The following SRP72 variants were observed in gnomAD, a reference collection of about 807,000 sequenced individuals.
SRP72 encodes signal recognition particle subunit SRP72.
SRP72 carries 49 observed loss-of-function variants against 96.3 expected under a neutral mutation model. That is an observed-to-expected ratio of 0.51 (90% CI 0.40 to 0.65). The LOEUF (loss-of-function observed/expected upper bound fraction) is 0.65. SRP72 is among the 30% of genes least tolerant of loss of function. SRP72 has a pLI of 0.00. For synonymous variants in SRP72, 267 were observed against 275.2 expected, an observed-to-expected ratio of 0.97 and a Z score of 0.30; for missense variants, 736 against 793.3, an observed-to-expected ratio of 0.93 and a Z score of 0.87.
At chr4:56,492,957 C>G (rs865863947) in intron 16 of SRP72, among the ~76,000 whole-genome samples, 1 of 152,000 alleles carries the variant, frequency 6.6e-6, no homozygotes, top group Non-Finnish European at 1.5e-5. Context: ...TGCACCCCAG[C>G]CTGAGTGACA....
chr4:56,491,305 C>A (rs754848864), intron 15 of SRP72, 126 bp from the exon 16 acceptor site: 5 of 1,096,772 alleles, frequency 4.6e-6, no homozygotes, highest in Non-Finnish European at 6.4e-6. Context: ...ACATTTTTTG[C>A]TTTTGTTGAA....
chr4:56,493,603 G>T (rs1720982892), intron 16 of SRP72, among the ~76,000 whole-genome samples: 1 of 151,822 alleles, frequency 6.6e-6, no homozygotes, highest in Non-Finnish European at 1.5e-5. Flanking sequence ...GGTGGCTCAT[G>T]CCTGTAATCC....
intron 1 of SRP72, among the ~76,000 whole-genome samples, chr4:56,468,435 G>C (rs1244717145): frequency 1.3e-5 from 2 of 151,974 alleles, no homozygotes; most frequent in Non-Finnish European, 2.9e-5. Flanking sequence ...TTTGGTGTGA[G>C]GTTTAATTCA....
intron 17 of SRP72, among the ~76,000 whole-genome samples, chr4:56,496,183 C>G (rs1327326475): frequency 2.6e-5 from 4 of 152,160 alleles, no homozygotes; most frequent in African/African-American, 2.4e-5. Context: ...ACCCAAGTTC[C>G]TGAGGTTTTG....
chr4:56,483,376 T>G, intron 9 of SRP72, 106 bp downstream of exon 9: 1 of 1,146,098 alleles, frequency 8.7e-7, no homozygotes, highest in Non-Finnish European at 1.2e-6. Context: ...TTGTATTTTG[T>G]CTTCAACTCA....
chr4:56,479,010 G>A (rs1009111400), intron 8 of SRP72, among the ~76,000 whole-genome samples: 1 of 152,076 alleles, frequency 6.6e-6, no homozygotes, highest in African/African-American at 2.4e-5. Context: ...GAATGTGAAA[G>A]TGTTCTTTAT....
At chr4:56,480,839 G>A (rs1466087992) in intron 8 of SRP72, among the ~76,000 whole-genome samples, 1 of 152,122 alleles carries the variant, frequency 6.6e-6, no homozygotes, top group Non-Finnish European at 1.5e-5. Flanking sequence ...TTTGGTGAAC[G>A]GAAGGATCTC....
intron 10 of SRP72, 174 bp from the exon 11 acceptor site, chr4:56,486,151 G>A (rs1720702848): frequency 2.0e-6 from 1 of 512,452 alleles, no homozygotes; most frequent in Admixed American, 3.5e-5. Context: ...ATACCTTTAA[G>A]AAAAAAAGTG....
chr4:56,492,560 AT>A (rs1375539502), intron 16 of SRP72, among the ~76,000 whole-genome samples: 1 of 152,138 alleles, frequency 6.6e-6, no homozygotes, highest in Non-Finnish European at 1.5e-5. Flanking sequence ...GCCTTTTGAA[AT>A]CTAAATTTTT....
chr4:56,481,691 T>G (rs1482022189), intron 8 of SRP72, among the ~76,000 whole-genome samples: 2 of 152,166 alleles, frequency 1.3e-5, no homozygotes, highest in African/African-American at 4.8e-5. Flanking sequence ...TTATTGTGCT[T>G]TACTTTATTA....
At chr4:56,474,695 C>T (rs1428996785) in intron 5 of SRP72, among the ~76,000 whole-genome samples, 1 of 152,072 alleles carries the variant, frequency 6.6e-6, no homozygotes, top group Non-Finnish European at 1.5e-5. Flanking sequence ...AGGTGCGCGT[C>T]ACCACACCCA....
At chr4:56,476,823 A>G in intron 6 of SRP72, 121 bp downstream of exon 6, 1 of 936,544 alleles carries the variant, frequency 1.1e-6, no homozygotes. Context: ...AGTAGGAATC[A>G]CACTAGAAAC....
intron 16 of SRP72, 21 bp downstream of exon 16, chr4:56,491,589 G>T (rs372490834): frequency 2.5e-6 from 4 of 1,606,392 alleles, no homozygotes; most frequent in Non-Finnish European, 3.4e-6. Context: ...TCATTGTAAC[G>T]TTCTCTAATG....
chr4:56,495,037 C>A (rs1721028446), intron 16 of SRP72, among the ~76,000 whole-genome samples: 1 of 152,156 alleles, frequency 6.6e-6, no homozygotes, highest in African/African-American at 2.4e-5. Flanking sequence ...CCAAGGGATT[C>A]TAGGTAGTCA....
chr4:56,471,862 T>G lies in SRP72; in HGVS notation c.354+19T>G. The G allele has an allele frequency of 6.2e-7, 1 of 1,613,188 alleles. No homozygotes were observed. Among genetic ancestry groups the G allele is most frequent in the Non-Finnish European group, 8.5e-7 (1 of 1,179,574 alleles). On this transcript the variant is annotated intron_variant, in intron 3 of 18. Transcript: ENST00000642900. ...ACAAGTGGTAATTACTGCTTTTAAA[T>G]ACATGTTGACAGTGATACTGAGTGA...
At chr4:56,482,549 C>T (rs1229299546) in intron 8 of SRP72, among the ~76,000 whole-genome samples, 1 of 151,932 alleles carries the variant, frequency 6.6e-6, no homozygotes, top group Non-Finnish European at 1.5e-5. Context: ...ACTGGGAAAC[C>T]AAAAAATCTG....
At chr4:56,485,395 C>A (rs761911463) in intron 10 of SRP72, among the ~76,000 whole-genome samples, 1 of 128,292 alleles carries the variant, frequency 7.8e-6, no homozygotes. Context: ...CTTCTCTCCC[C>A]ACAGCAAAAA....
chr4:56,487,859 A>G (rs980812000), intron 11 of SRP72, 90 bp from the exon 12 acceptor site: 12 of 955,916 alleles, frequency 1.3e-5, no homozygotes, highest in Non-Finnish European at 1.9e-5. Flanking sequence ...TTTCCTAAGG[A>G]AAAGTAGTGG....
Position 56,471,853 on chromosome 4 carries a change from G to A in SRP72, c.354+10G>A. On this transcript the variant is annotated intron_variant, in intron 3 of 18. Transcript: ENST00000642900. ...GCTTTATGGACAAGTGGTAATTACT[G>A]CTTTTAAATACATGTTGACAGTGAT... 6.2e-7 allele frequency: 1 copy of A among 1,613,550 alleles called. No individual in the cohort carries two copies.
Sources: allele counts gnomAD v4.1 joint callset (sites outside exome capture counted in the v4.1 genomes callset), GRCh38; gene constraint gnomAD v4.1.1; transcripts MANE v1.5; gene names NCBI Gene and HGNC (gene_info 2026-07-23, HGNC 2026-07-21).